The following SARDH variants were observed in gnomAD, a reference collection of about 807,000 sequenced individuals.
The protein encoded by SARDH is sarcosine dehydrogenase.
Under a neutral mutation model 109.1 loss-of-function variants are expected in SARDH, and 95 were observed. The observed-to-expected ratio is 0.87, with a 90% CI of 0.74 to 1.03. The LOEUF is 1.03. Among genes scored for constraint, SARDH ranks in the 50% least tolerant of loss-of-function variants. SARDH has a pLI of 0.00. For synonymous variants in SARDH, 572 were observed against 534.8 expected, an observed-to-expected ratio of 1.07 and a Z score of -0.96; for missense variants, 1,267 against 1,287.8, an observed-to-expected ratio of 0.98 and a Z score of 0.25.
At chr9:133,738,361 C>T (rs1832952913), upstream of SARDH, 1 of 152,142 alleles carries the variant, frequency 6.6e-6, no homozygotes, top group African/African-American at 2.4e-5. Flanking sequence ...CCAGGCCTCC[C>T]CCGCCCCCCA....
At position 133,731,401 on chromosome 9, in the gene SARDH, G is replaced by A; in HGVS notation, c.594C>T (p.Asp198=). ...GCGGCACATACAGGGTCCCGTAGAG[G>A]TCGTCCACATTCATCAGCGGGTACA... ...KTLYPLMNVD[D]LYGTLYVPHD... Residue 198 remains aspartate, a synonymous_variant, in exon 4 of 21, where the codon GAC becomes GAT. Coordinates refer to ENST00000439388, the MANE Select transcript of SARDH (RefSeq NM_001134707.2). The A allele has an allele frequency of 6.2e-7, 1 of 1,614,188 alleles. No homozygotes were observed.
intron 13 of SARDH, among the ~76,000 whole-genome samples, chr9:133,696,985 G>A (rs969711585): frequency 7.2e-5 from 11 of 151,960 alleles, no homozygotes; most frequent in East Asian, 1.9e-4. Context: ...AATAAGAATC[G>A]AAAAATAGGA....
At chr9:133,715,120 C>T (rs1418210741) in intron 8 of SARDH, among the ~76,000 whole-genome samples, 1 of 152,272 alleles carries the variant, frequency 6.6e-6, no homozygotes, top group Non-Finnish European at 1.5e-5. Flanking sequence ...CCCAGGCGCT[C>T]CCTAAGTCAC....
chr9:133,713,294 T>G (rs1831998897), intron 8 of SARDH, among the ~76,000 whole-genome samples, 170 bp from the exon 9 acceptor site: 1 of 150,860 alleles, frequency 6.6e-6, no homozygotes, highest in African/African-American at 2.4e-5. Context: ...GCCTCCCCGC[T>G]GGCTCCTGCC....
intron 6 of SARDH, chr9:133,725,510 T>TA: frequency 4.6e-6 from 2 of 438,362 alleles, no homozygotes; most frequent in Non-Finnish European, 4.6e-6. Context: ...CCGTCTCTAC[T>TA]AAAATACAAA....
intron 17 of SARDH, among the ~76,000 whole-genome samples, chr9:133,680,941 C>T (rs129899): frequency 0.47 from 71,848 of 152,200 alleles, 19,141 homozygotes; most frequent in African/African-American, 0.74. Context: ...CAGTCTGTCC[C>T]CGATGGACCC....
chr9:133,679,516 G>A (rs1161188451), intron 17 of SARDH, among the ~76,000 whole-genome samples: 6 of 152,236 alleles, frequency 3.9e-5, no homozygotes, highest in Middle Eastern at 3.2e-3. Context: ...ATGCTGCTTC[G>A]CGGCGGGGCC....
At position 133,733,981 on chromosome 9, in the gene SARDH, T is replaced by C. The variant is rs1314074241; in HGVS notation, c.193A>G (p.Ser65Gly). The C allele has an allele frequency of 3.1e-6, 5 of 1,612,426 alleles. No individual in the cohort carries two copies. The highest frequency in any genetic ancestry group is 1.7e-5 in the Admixed American group (1 of 59,986). ...CCAATGACCACCACGTTGGCCGTGC[T>C]GGGCAGGGGCCGGCTTGGGCCTTGG... Reference protein sequence around the residue: ...VAQGPSRPLPSTANVVVIGGG... With the variant: ...VAQGPSRPLPGTANVVVIGGG... The change falls in exon 2 of 21, where the codon AGC (serine) becomes GGC (glycine). Residue 65 changes from serine (S) to glycine (G), a missense_variant. Coordinates refer to ENST00000439388, the MANE Select transcript of SARDH (RefSeq NM_001134707.2).
chr9:133,681,561 C>T (rs1434798674), intron 17 of SARDH, among the ~76,000 whole-genome samples: 1 of 152,208 alleles, frequency 6.6e-6, no homozygotes, highest in Non-Finnish European at 1.5e-5. Context: ...GGAGCCACAT[C>T]TTCCATCCTG....
At position 133,704,005 on chromosome 9, in the gene SARDH, G is replaced by T. The variant is rs979985369; in HGVS notation, c.1554+943C>A. Among the ~76,000 whole-genome samples the T allele has an allele frequency of 6.6e-6, 1 of 152,116 alleles. No homozygotes were observed. The highest frequency in any genetic ancestry group is 2.4e-5 in the African/African-American group (1 of 41,412). On this transcript the variant is annotated intron_variant, in intron 12 of 20. Transcript: ENST00000439388. This position sits in a 1 kb window ranked among gnomAD's most constrained non-coding sequence, Gnocchi z 4.5. ...CCTCGCCCAGGGACAGGGGAGAGGG[G>T]CTTCCAGGGCCAGATCTGACTGGAA... is the stretch of plus-strand genomic sequence containing the variant.
At chr9:133,672,078 C>T (rs13296075) in intron 17 of SARDH, among the ~76,000 whole-genome samples, 6,078 of 152,292 alleles carry the variant, frequency 0.04, 176 homozygotes, top group Admixed American at 0.073. Context: ...ACCATGTGGG[C>T]AAGCCACGCT....
intron 20 of SARDH, 135 bp from the exon 21 acceptor site, chr9:133,664,149 C>A: frequency 8.6e-7 from 1 of 1,163,726 alleles, no homozygotes; most frequent in Non-Finnish European, 1.2e-6. Flanking sequence ...GCCAGGGACT[C>A]CTTTCTGAAC....
chr9:133,736,549 C>A (rs982446435), intron 1 of SARDH, among the ~76,000 whole-genome samples: 3 of 152,174 alleles, frequency 2.0e-5, no homozygotes, highest in African/African-American at 7.2e-5. Flanking sequence ...GTGCATGCCA[C>A]CATGCCTGGC....
At chr9:133,661,939 G>A (rs1408275848), downstream of SARDH, among the ~76,000 whole-genome samples, 2 of 152,214 alleles carry the variant, frequency 1.3e-5, no homozygotes, top group African/African-American at 4.8e-5. Context: ...CTCGGGGTCT[G>A]GGAAGGTGGG....
chr9:133,730,239 C>A (rs750572358), intron 4 of SARDH, 52 bp from the exon 5 acceptor site: 2 of 1,598,764 alleles, frequency 1.3e-6, no homozygotes, highest in African/African-American at 2.7e-5. Context: ...CCCGGGGGTG[C>A]TTCCCACCCC....
chr9:133,699,041 T>A (rs1019059225), intron 13 of SARDH, among the ~76,000 whole-genome samples: 2 of 152,136 alleles, frequency 1.3e-5, no homozygotes, highest in African/African-American at 4.8e-5. Flanking sequence ...TATAAAAAAA[T>A]TTGCAACTCA....
At chr9:133,667,983 G>C in intron 19 of SARDH, among the ~76,000 whole-genome samples, 1 of 152,112 alleles carries the variant, frequency 6.6e-6, no homozygotes, top group East Asian at 1.9e-4. Context: ...CGCGGCGCAG[G>C]GCAGCTATTA....
Position 133,713,084 on chromosome 9 carries a change from TGCCTCCCCCATCAGGG to T in SARDH, c.1175_1190del (p.Pro392HisfsTer18). 6.2e-7 allele frequency: 1 copy of T among 1,613,398 alleles called. No homozygotes were observed. Among genetic ancestry groups the T allele is most frequent in the Non-Finnish European group, 8.5e-7 (1 of 1,179,934 alleles). ...CCAGGAAGAACCCTCGGAGCTCAGG[TGCCTCCCCCATCAGGG>T]GCTTGTGGTCGGGCGTGAAGGATTC... On this transcript the variant is annotated frameshift_variant, in exon 9 of 21. Transcript: ENST00000439388. LOFTEE classifies it high-confidence loss of function.
In SARDH at chr9:133,705,022, C is replaced by G; in HGVS notation, c.1480G>C (p.Gly494Arg). 6.3e-7 allele frequency: 1 copy of G among 1,591,018 alleles called. No homozygotes were observed. The highest frequency in any genetic ancestry group is 1.3e-5 in the African/African-American group (1 of 74,866). The change falls in exon 12 of 21, where the codon GGA becomes CGA. Residue 494 changes from glycine to arginine, a missense_variant. Transcript: ENST00000439388. ...CGCTCCTGGAACACGCAGCCTTGTC[C>G]AAGGAGTTCCTGAGCAGGAGTGGGG... is the stretch of plus-strand genomic sequence containing the variant. ...RRDPLHEELL[G>R]QGCVFQERHG... is the part of the protein sequence containing the mutation.
Sources: gnomAD v4.1 joint callset for allele counts (sites outside exome capture counted in the v4.1 genomes callset) on GRCh38, gnomAD v4.1.1 for gene constraint, Gnocchi (gnomAD v3.1) non-coding constraint, MANE v1.5 for transcripts, NCBI Gene and HGNC (gene_info 2026-07-23, HGNC 2026-07-21) for gene names.